LRRC55: variants seen among roughly 807,000 people sequenced by gnomAD.
LRRC55 encodes leucine rich repeat containing 55.
Under a neutral mutation model 20.5 loss-of-function variants are expected in LRRC55, and 11 were observed. The ratio of observed to expected loss-of-function variants is 0.54; its 90% CI spans 0.34 to 0.89. LRRC55 has a LOEUF of 0.89. Ranked by LOEUF, LRRC55 falls within the 40% of genes least tolerant of loss-of-function variation. LRRC55 has a pLI of 0.02. For missense variants in LRRC55, 358 were observed against 390.9 expected, an observed-to-expected ratio of 0.92 and a Z score of 0.71; for synonymous variants, 188 against 166.6, an observed-to-expected ratio of 1.13 and a Z score of -0.99.
intron 1 of LRRC55, among the ~76,000 whole-genome samples, chr11:57,184,063 C>T (rs920828331): frequency 1.3e-5 from 2 of 152,142 alleles, no homozygotes; most frequent in Non-Finnish European, 2.9e-5. Flanking sequence ...AGCCCAAGAC[C>T]AAAATAGTTT....
chr11:57,190,003 CCTT>C lies in LRRC55; in HGVS notation c.*2526_*2528del, dbSNP rs1468490732. ...GAAGCAGAACTGTGCCCTGCTCTCT[CCTT>C]CTGTGATGACCAAGGATGGTGAACT... is the stretch of plus-strand genomic sequence containing the variant. On this transcript the variant is annotated 3_prime_UTR_variant, in exon 2 of 2. Coordinates refer to ENST00000497933, the MANE Select transcript of LRRC55 (RefSeq NM_001005210.4). 3 of 152,224 alleles carry C rather than the reference CCTT, an allele frequency of 2.0e-5. No homozygotes were observed. The highest frequency in any genetic ancestry group is 2.9e-5 in the Non-Finnish European group (2 of 68,062). 9.4% of individuals were successfully genotyped at this position (152,224 alleles called of 1,614,324 possible). A position where few individuals can be genotyped will look rare whatever the true frequency, so the allele number is the denominator to read the frequency against.
At position 57,189,075 on chromosome 11, in the gene LRRC55, A is replaced by G. The variant is rs1023866757; in HGVS notation, c.*1595A>G. The G allele has an allele frequency of 7.3e-6, 1 of 136,794 alleles. No homozygotes were observed. The highest frequency in any genetic ancestry group is 1.7e-5 in the Non-Finnish European group (1 of 58,180). The allele number at this position is 136,794 out of a possible 1,614,324, so 8.5% of individuals were successfully genotyped here. On this transcript the variant is annotated 3_prime_UTR_variant, in exon 2 of 2. Transcript: ENST00000497933. The stretch of plus-strand genomic sequence containing the variant: ...CTTCATCAGTTTCGTCAGCAGCATC[A>G]TTATCTTCCCTCTATTTGTTCAGCA...
rs1854451830 is a variant in LRRC55, at chr11:57,187,655, G to A, written c.*175G>A. ...CTGCTTTGGGCCAGGCGGCACGCTAGGAATTGGGAACATCAGATGAACTGA... is the reference window on the plus strand; with the variant it reads ...CTGCTTTGGGCCAGGCGGCACGCTAAGAATTGGGAACATCAGATGAACTGA... On this transcript the variant is annotated 3_prime_UTR_variant, in exon 2 of 2. Coordinates refer to ENST00000497933, the MANE Select transcript of LRRC55 (RefSeq NM_001005210.4). 1.5e-6 allele frequency: 1 copy of A among 667,012 alleles called. No homozygotes were observed. The highest frequency in any genetic ancestry group is 2.7e-5 in the East Asian group (1 of 36,738). 41.3% of individuals were successfully genotyped at this position (667,012 alleles called of 1,614,324 possible).
At chr11:57,182,808 G>GA in intron 1 of LRRC55, 125 bp downstream of exon 1, 1 of 1,026,858 alleles carries the variant, frequency 9.7e-7, no homozygotes, top group South Asian at 3.0e-5. Context: ...ATGTGGGCTT[G>GA]CCTCTTTGTA....
At position 57,187,325 on chromosome 11, in the gene LRRC55, G is replaced by T. The variant is rs760423402; in HGVS notation, c.742G>T (p.Ala248Ser). The change falls in exon 2 of 2, where the codon GCC becomes TCC. Residue 248 changes from alanine to serine, a missense_variant. Ala to Ser is a moderately conservative substitution (Grantham distance 99). Around this residue, in one of 3 missense-constraint regions of LRRC55, gnomAD observed 178 missense variants for 207.9 expected, o/e 0.86. Coordinates refer to ENST00000497933, the MANE Select transcript of LRRC55 (RefSeq NM_001005210.4). ...CTCACTCACTGAGGAGAGCTTCAAG[G>T]CCTGCCACCTGACCCTGACCCTGGA... ...LFSLTEESFK[A>S]CHLTLTLDDY... The T allele has an allele frequency of 6.8e-6, 11 of 1,614,024 alleles. No homozygotes were observed. The highest frequency in any genetic ancestry group is 1.6e-4 in the Middle Eastern group (1 of 6,084).
Position 57,189,457 on chromosome 11 carries a change from AC to A in LRRC55, c.*1978del, listed in dbSNP as rs1190303158. ...TTGCAGGCTCTGAAACAGAGACTAC[AC>A]AGGTAACACCTGAATAGGAGACTCC... On this transcript the variant is annotated 3_prime_UTR_variant, in exon 2 of 2. Coordinates refer to ENST00000497933, the MANE Select transcript of LRRC55 (RefSeq NM_001005210.4). 4 of 152,248 alleles carry A rather than the reference AC, an allele frequency of 2.6e-5. No individual in the cohort carries two copies. Among genetic ancestry groups the A allele is most frequent in the Admixed American group, 6.5e-5 (1 of 15,292 alleles). The allele number at this position is 152,248 out of a possible 1,614,324, so 9.4% of individuals were successfully genotyped here.
In LRRC55 at chr11:57,182,475, G is replaced by C. The variant is rs781450085; in HGVS notation, c.453G>C (p.Arg151=). ...ACCTGAGCCACAACCCCTGGCTGCG[G>C]AGGGTGCATCCCCAGGCCTTTCAGG... ...HIDLSHNPWL[R]RVHPQAFQGL... is the part of the protein sequence containing the mutation. Residue 151 remains arginine, a synonymous_variant, in exon 1 of 2, where the codon CGG becomes CGC. Coordinates refer to ENST00000497933, the MANE Select transcript of LRRC55 (RefSeq NM_001005210.4). The C allele has an allele frequency of 6.2e-6, 10 of 1,610,272 alleles. No individual in the cohort carries two copies. The highest frequency in any genetic ancestry group is 8.5e-6 in the Non-Finnish European group (10 of 1,179,004).
rs946105531 is a variant in LRRC55 at position 57,189,112 on chromosome 11, A to T, written c.*1632A>T. On this transcript the variant is annotated 3_prime_UTR_variant, in exon 2 of 2. Coordinates refer to ENST00000497933, the MANE Select transcript of LRRC55 (RefSeq NM_001005210.4). ...CTATTTGTTCAGCACCGGATAGTTC[A>T]TGAGTATTTTTGCATCATTCTCCTT... is the stretch of plus-strand genomic sequence containing the variant. 6.6e-6 allele frequency: 1 copy of T among 152,212 alleles called. No homozygotes were observed. Among genetic ancestry groups the T allele is most frequent in the Non-Finnish European group, 1.5e-5 (1 of 68,046 alleles). The allele number at this position is 152,212 out of a possible 1,614,324, so 9.4% of individuals were successfully genotyped here.
At chr11:57,186,290 A>T (rs1421947373) in intron 1 of LRRC55, among the ~76,000 whole-genome samples, 1 of 152,086 alleles carries the variant, frequency 6.6e-6, no homozygotes, top group Non-Finnish European at 1.5e-5. Context: ...AGTTGGACAG[A>T]CTCTTATATT....
At chr11:57,182,941 C>T (rs112460021) in intron 1 of LRRC55, among the ~76,000 whole-genome samples, 2,186 of 152,186 alleles carry the variant, frequency 0.014, 47 homozygotes, top group African/African-American at 0.05. Flanking sequence ...ATGAGGCAGA[C>T]GGATAGTAGA....
intron 1 of LRRC55, among the ~76,000 whole-genome samples, chr11:57,186,525 G>A (rs967215984): frequency 4.6e-5 from 7 of 152,176 alleles, no homozygotes; most frequent in Non-Finnish European, 1.0e-4. Context: ...CTTAAGGAAA[G>A]GCCTCACTAA....
rs1314082498 is a variant in LRRC55, at chr11:57,191,107, G to C, written c.*3627G>C. 6.6e-6 allele frequency: 1 copy of C among 152,174 alleles called. No homozygotes were observed. Among genetic ancestry groups the C allele is most frequent in the African/African-American group, 2.4e-5 (1 of 41,442 alleles). 9.4% of individuals were successfully genotyped at this position (152,174 alleles called of 1,614,324 possible). ...ATCTGAATCACATCACTTTGGGCCA[G>C]TTATCTCTGGTCACCCTCAGACAAA... On this transcript the variant is annotated 3_prime_UTR_variant, in exon 2 of 2. Coordinates refer to ENST00000497933, the MANE Select transcript of LRRC55 (RefSeq NM_001005210.4).
intron 1 of LRRC55, among the ~76,000 whole-genome samples, chr11:57,186,256 T>C (rs1854429916): frequency 6.6e-6 from 1 of 152,080 alleles, no homozygotes; most frequent in Admixed American, 6.5e-5. Flanking sequence ...GCAACATAAG[T>C]AGTGGAAAGG....
At position 57,190,851 on chromosome 11, in the gene LRRC55, C is replaced by T. The variant is rs1590515526; in HGVS notation, c.*3371C>T. On this transcript the variant is annotated 3_prime_UTR_variant, in exon 2 of 2. Coordinates refer to ENST00000497933, the MANE Select transcript of LRRC55 (RefSeq NM_001005210.4). The stretch of plus-strand genomic sequence containing the variant: ...ATTGCTTGATAGATTAAGATGGAAT[C>T]CCACCAGGTTTAGGGTAGGACTGGA... The T allele has an allele frequency of 1.3e-5, 2 of 152,128 alleles. No homozygotes were observed. The highest frequency in any genetic ancestry group is 4.8e-5 in the African/African-American group (2 of 41,414). The allele number at this position is 152,128 out of a possible 1,614,324, so 9.4% of individuals were successfully genotyped here. A position where few individuals can be genotyped will look rare whatever the true frequency, so the allele number is the denominator to read the frequency against.
At position 57,189,243 on chromosome 11, in the gene LRRC55, T is replaced by G. The variant is rs1204145774; in HGVS notation, c.*1763T>G. The G allele has an allele frequency of 6.6e-6, 1 of 152,172 alleles. No individual in the cohort carries two copies. The highest frequency in any genetic ancestry group is 1.5e-5 in the Non-Finnish European group (1 of 68,026). The allele number at this position is 152,172 out of a possible 1,614,324, so 9.4% of individuals were successfully genotyped here. On this transcript the variant is annotated 3_prime_UTR_variant, in exon 2 of 2. Transcript: ENST00000497933. ...GGATATGACTTGCTATGTGGCAAGG[T>G]TGGGGCTCAACCCTAACACAGTTCT...
chr11:57,187,140 T>G, intron 1 of LRRC55, 105 bp from the exon 2 acceptor site: 1 of 1,003,728 alleles, frequency 1.0e-6, no homozygotes, highest in Non-Finnish European at 1.5e-6. Context: ...TGGAAGAACT[T>G]CAATGAATGT....
Position 57,187,933 on chromosome 11 carries a change from T to C in LRRC55, c.*453T>C, listed in dbSNP as rs551470411. The C allele has an allele frequency of 1.3e-4, 34 of 252,610 alleles. No homozygotes were observed. The highest frequency in any genetic ancestry group is 2.5e-4 in the Non-Finnish European group (32 of 129,742). The allele number at this position is 252,610 out of a possible 1,614,324, so 15.6% of individuals were successfully genotyped here. A position where few individuals can be genotyped will look rare whatever the true frequency, so the allele number is the denominator to read the frequency against. ...CACATGGCAGAGGCCAGAATATGCA[T>C]AGTGTGCTGTGTTGAGAAGAGTGAA... On this transcript the variant is annotated 3_prime_UTR_variant, in exon 2 of 2. Transcript: ENST00000497933.
chr11:57,186,574 G>A (rs1308014604), intron 1 of LRRC55, among the ~76,000 whole-genome samples: 1 of 152,230 alleles, frequency 6.6e-6, no homozygotes, highest in Non-Finnish European at 1.5e-5. Flanking sequence ...GAAGTGGGGA[G>A]CTGAGCTGTG....
rs926355991 is a variant in LRRC55 at position 57,190,517 on chromosome 11, C to T, written c.*3037C>T. On this transcript the variant is annotated 3_prime_UTR_variant, in exon 2 of 2. Transcript: ENST00000497933. ...CCTGATTAGAATTGCTCCCATATCC[C>T]TGGTGACCACAGGCTTCATTCAAAT... 1 of 152,232 alleles carries T rather than the reference C, an allele frequency of 6.6e-6. No homozygotes were observed. Among genetic ancestry groups the T allele is most frequent in the African/African-American group, 2.4e-5 (1 of 41,468 alleles). The allele number at this position is 152,232 out of a possible 1,614,324, so 9.4% of individuals were successfully genotyped here.
Sources: allele counts gnomAD v4.1 joint callset (sites outside exome capture counted in the v4.1 genomes callset), GRCh38; gene constraint gnomAD v4.1.1; regional missense constraint gnomAD v4.1.1; transcripts MANE v1.5; gene names NCBI Gene and HGNC (gene_info 2026-07-23, HGNC 2026-07-21).